Variants in PCSK5 observed in about 807,000 individuals in gnomAD.
The protein encoded by PCSK5 is proprotein convertase subtilisin/kexin type 5.
Under a neutral mutation model 233.2 loss-of-function variants are expected in PCSK5, and 129 were observed. The observed-to-expected ratio is 0.55, with a 90% CI of 0.48 to 0.64. PCSK5 has a LOEUF of 0.64. PCSK5 is among the 30% of genes least tolerant of loss of function. PCSK5 has a pLI of 0.00. For synonymous variants in PCSK5, 825 were observed against 879.2 expected, an observed-to-expected ratio of 0.94 and a Z score of 1.09; for missense variants, 2,076 against 2,430.1, an observed-to-expected ratio of 0.85 and a Z score of 3.06.
intron 24 of PCSK5, among the ~76,000 whole-genome samples, chr9:76,245,702 C>A (rs1002316915): frequency 6.6e-6 from 1 of 152,160 alleles, no homozygotes; most frequent in Non-Finnish European, 1.5e-5. Context: ...GAATTCCAGA[C>A]TAATGAGGTT....
intron 5 of PCSK5, among the ~76,000 whole-genome samples, chr9:76,054,743 T>C (rs1255677566): frequency 6.6e-6 from 1 of 152,232 alleles, no homozygotes; most frequent in Non-Finnish European, 1.5e-5. Context: ...CCCACGATGG[T>C]AACAGTTTAT....
chr9:76,143,097 C>T (rs1190815776), intron 10 of PCSK5, among the ~76,000 whole-genome samples: 1 of 152,050 alleles, frequency 6.6e-6, no homozygotes, highest in East Asian at 1.9e-4. Flanking sequence ...TGTTTGAGAA[C>T]TTGAGGGTTA....
At chr9:76,232,831 C>A (rs886357789) in intron 21 of PCSK5, among the ~76,000 whole-genome samples, 3 of 151,994 alleles carry the variant, frequency 2.0e-5, no homozygotes, top group Admixed American at 2.0e-4. Context: ...CCTGTAATGC[C>A]CTTTGTAGGT....
Position 76,189,743 on chromosome 9 carries a change from G to A in PCSK5, c.2623G>A (p.Asp875Asn). ...GTGTCAAATGGGAGCCATTTGCAAGGATGGTGAGTACAACTGCCCATATCG... is the reference window on the plus strand; with the variant it reads ...GTGTCAAATGGGAGCCATTTGCAAGAATGGTGAGTACAACTGCCCATATCG... ...GMCQMGAICK[D>N]GEYVDEHGHC... The change falls in exon 20 of 38, where the codon GAT becomes AAT. Residue 875 changes from aspartate to asparagine, a missense_variant. Transcript: ENST00000674117. 6.6e-7 allele frequency: 1 copy of A among 1,510,850 alleles called. No homozygotes were observed. The highest frequency in any genetic ancestry group is 1.1e-5 in the South Asian group (1 of 88,936). The allele number at this position is 1,510,850 out of a possible 1,614,324, so 93.6% of individuals were successfully genotyped here. A position where few individuals can be genotyped will look rare whatever the true frequency, so the allele number is the denominator to read the frequency against.
chr9:75,928,202 A>C (rs1823586660), intron 1 of PCSK5, among the ~76,000 whole-genome samples: 1 of 152,258 alleles, frequency 6.6e-6, no homozygotes, highest in Non-Finnish European at 1.5e-5. Flanking sequence ...TTTAAGGAAA[A>C]GGTTGGGCTT....
At chr9:76,214,030 T>C (rs1825427238) in intron 20 of PCSK5, among the ~76,000 whole-genome samples, 1 of 152,180 alleles carries the variant, frequency 6.6e-6, no homozygotes, top group African/African-American at 2.4e-5. Context: ...GACCCCAGAA[T>C]AAGCAAGAGA....
intron 9 of PCSK5, among the ~76,000 whole-genome samples, chr9:76,108,585 T>G (rs960952312): frequency 5.3e-5 from 8 of 152,164 alleles, no homozygotes; most frequent in African/African-American, 1.9e-4. Context: ...AAACCCCTTC[T>G]CTTCTAAAAA....
At chr9:76,266,504 G>A (rs1827338156) in intron 24 of PCSK5, among the ~76,000 whole-genome samples, 1 of 151,850 alleles carries the variant, frequency 6.6e-6, no homozygotes, top group African/African-American at 2.4e-5. Flanking sequence ...ATAAAAAAAC[G>A]TTGATGTTCA....
At chr9:76,256,181 G>A (rs1826975371) in intron 24 of PCSK5, among the ~76,000 whole-genome samples, 1 of 152,170 alleles carries the variant, frequency 6.6e-6, no homozygotes, top group Non-Finnish European at 1.5e-5. Flanking sequence ...GAGTTATGGG[G>A]GAGAAGAACA....
At chr9:76,204,942 T>C (rs1212527176) in intron 20 of PCSK5, among the ~76,000 whole-genome samples, 4 of 152,094 alleles carry the variant, frequency 2.6e-5, no homozygotes, top group African/African-American at 9.7e-5. Context: ...CCTTTGTGAG[T>C]GTGTCACAGA....
intron 31 of PCSK5, 36 bp downstream of exon 31, chr9:76,321,675 G>C (rs1198733748): frequency 5.0e-6 from 7 of 1,406,304 alleles, no homozygotes; most frequent in Non-Finnish European, 6.0e-6. Context: ...GCAAGGCTCT[G>C]CTGAGCCACC....
At chr9:76,029,166 C>G (rs1350453010) in intron 5 of PCSK5, among the ~76,000 whole-genome samples, 1 of 152,088 alleles carries the variant, frequency 6.6e-6, no homozygotes, top group African/African-American at 2.4e-5. Flanking sequence ...GCAGGCCAGG[C>G]TGGGGTTCCG....
intron 2 of PCSK5, among the ~76,000 whole-genome samples, chr9:75,965,942 A>G (rs1380964738): frequency 2.0e-5 from 3 of 152,216 alleles, no homozygotes; most frequent in Non-Finnish European, 1.5e-5. Flanking sequence ...TGTAATTGGG[A>G]ACATGGACTA....
At chr9:76,014,039 T>A (rs1327481217) in intron 3 of PCSK5, among the ~76,000 whole-genome samples, 2 of 151,860 alleles carry the variant, frequency 1.3e-5, no homozygotes, top group Non-Finnish European at 2.9e-5. Context: ...ACTCATTTTT[T>A]AAAAAGGAAA....
intron 3 of PCSK5, 77 bp downstream of exon 3, chr9:75,986,322 G>A (rs887927247): frequency 2.4e-6 from 2 of 846,294 alleles, no homozygotes; most frequent in South Asian, 1.4e-5. Context: ...TGTTGGTCTT[G>A]GGAGGACACA....
chr9:76,049,600 A>T (rs919631973), intron 5 of PCSK5, among the ~76,000 whole-genome samples: 1 of 152,148 alleles, frequency 6.6e-6, no homozygotes, highest in African/African-American at 2.4e-5. Flanking sequence ...CCTGGGACAA[A>T]GCTCCACCCA....
chr9:76,161,537 G>A (rs1822857566), intron 12 of PCSK5, among the ~76,000 whole-genome samples: 1 of 151,182 alleles, frequency 6.6e-6, no homozygotes, highest in African/African-American at 2.4e-5. Context: ...TGCTTCACAT[G>A]TGTGGATCGT....
intron 20 of PCSK5, among the ~76,000 whole-genome samples, chr9:76,218,677 GTA>G (rs1825625309): frequency 6.6e-6 from 1 of 151,910 alleles, no homozygotes; most frequent in African/African-American, 2.4e-5. Flanking sequence ...GAGAGAGAGA[GTA>G]TTATCCACAT....
At chr9:75,993,944 C>T (rs183870019) in intron 3 of PCSK5, among the ~76,000 whole-genome samples, 1 of 152,282 alleles carries the variant, frequency 6.6e-6, no homozygotes, top group African/African-American at 2.4e-5. Context: ...AGAAGAAAAG[C>T]AGGTGTTCAT....
Sources: allele counts gnomAD v4.1 joint callset (sites outside exome capture counted in the v4.1 genomes callset), GRCh38; gene constraint gnomAD v4.1.1; transcripts MANE v1.5; gene names NCBI Gene and HGNC (gene_info 2026-07-23, HGNC 2026-07-21).